The following CTDSPL variants were observed in gnomAD, a reference collection of about 807,000 sequenced individuals.
The protein encoded by CTDSPL is CTD small phosphatase-like protein.
A neutral mutation model predicts 30.5 loss-of-function variants in CTDSPL; 8 were observed. The observed-to-expected ratio is 0.26, with a 90% CI of 0.15 to 0.47. The LOEUF (loss-of-function observed/expected upper bound fraction) is 0.47. Ranked by LOEUF, CTDSPL falls within the 20% of genes least tolerant of loss-of-function variation. CTDSPL has a pLI of 0.99. For missense variants in CTDSPL, 248 were observed against 366.1 expected (o/e 0.68, Z 2.63); for synonymous variants, 110 against 137.9 (o/e 0.80, Z 1.42).
intron 1 of CTDSPL, among the ~76,000 whole-genome samples, chr3:37,891,488 T>G (rs1698324994): frequency 6.6e-6 from 1 of 152,262 alleles, no homozygotes; most frequent in African/African-American, 2.4e-5. Context: ...TTGTGGAGAC[T>G]GTGTGCATTA....
intron 6 of CTDSPL, 71 bp downstream of exon 6, chr3:37,971,570 G>A: frequency 7.2e-7 from 1 of 1,389,510 alleles, no homozygotes; most frequent in South Asian, 1.2e-5. Flanking sequence ...CCCCCAATCT[G>A]TCAAGCAGCC....
chr3:37,955,810 A>G (rs927786325), intron 2 of CTDSPL, among the ~76,000 whole-genome samples: 21 of 151,556 alleles, frequency 1.4e-4, no homozygotes, highest in African/African-American at 5.1e-4. Flanking sequence ...TACCTATATA[A>G]CAAACCTGCA....
chr3:37,934,172 A>G (rs1278743921), intron 1 of CTDSPL, among the ~76,000 whole-genome samples: 1 of 152,098 alleles, frequency 6.6e-6, no homozygotes, highest in Non-Finnish European at 1.5e-5. Flanking sequence ...AAAAAAATTC[A>G]AAATATTAGC....
chr3:37,884,011 C>A (rs577867992), intron 1 of CTDSPL, among the ~76,000 whole-genome samples: 160 of 152,204 alleles, frequency 1.1e-3, no homozygotes, highest in African/African-American at 3.5e-3. Context: ...GGGAAATGGT[C>A]ACTATTGATA....
At chr3:37,931,413 C>T (rs1019020332) in intron 1 of CTDSPL, among the ~76,000 whole-genome samples, 2 of 152,108 alleles carry the variant, frequency 1.3e-5, no homozygotes, top group Non-Finnish European at 2.9e-5. Flanking sequence ...CCTCAGCCTC[C>T]CAAAGCACTG....
chr3:37,877,927 A>G (rs1302158390), intron 1 of CTDSPL, among the ~76,000 whole-genome samples: 3 of 151,688 alleles, frequency 2.0e-5, no homozygotes, highest in African/African-American at 7.3e-5. Flanking sequence ...CCATGACCCA[A>G]ACAGCTCCCA....
intron 1 of CTDSPL, among the ~76,000 whole-genome samples, chr3:37,903,663 C>T (rs2012641): frequency 0.23 from 35,260 of 152,112 alleles, 5,384 homozygotes; most frequent in African/African-American, 0.43. Flanking sequence ...AAGGATGTAC[C>T]GCACCTGCCA....
chr3:37,925,651 A>T (rs1266214588), intron 1 of CTDSPL, among the ~76,000 whole-genome samples: 2 of 152,184 alleles, frequency 1.3e-5, no homozygotes, highest in African/African-American at 4.8e-5. Context: ...CTGCATTTTG[A>T]ACAAAGGGGC....
Position 37,975,399 on chromosome 3 carries a change from G to A in CTDSPL, c.520-310G>A, listed in dbSNP as rs938821098. On this transcript the variant is annotated intron_variant, in intron 6 of 7. Transcript: ENST00000273179. The surrounding 1 kb of genome is among the most constrained non-coding windows in gnomAD (Gnocchi z 4.9). Reference sequence around the variant, plus strand: ...CCCGTGGGAAAGACAGGTTTTTCACGAGGCTCACACAGCCATCCCAGGCCA... The same window carrying A: ...CCCGTGGGAAAGACAGGTTTTTCACAAGGCTCACACAGCCATCCCAGGCCA... Among the ~76,000 whole-genome samples, 3 of 152,172 alleles carry A rather than the reference G, an allele frequency of 2.0e-5. No individual in the cohort carries two copies. Among genetic ancestry groups the A allele is most frequent in the Non-Finnish European group, 2.9e-5 (2 of 68,032 alleles).
Position 37,975,982 on chromosome 3 carries a change from GA to G in CTDSPL, c.705+90del. On this transcript the variant is annotated intron_variant, in intron 7 of 7. Transcript: ENST00000273179. This position sits in a 1 kb window ranked among gnomAD's most constrained non-coding sequence, Gnocchi z 4.9. ...GTACCACTTTTGAGCACCTACACAA[GA>G]AGGTCTCTGGGCCTTTTCCTAATGA... 7.3e-7 allele frequency: 1 copy of G among 1,374,588 alleles called. No individual in the cohort carries two copies. Among genetic ancestry groups the G allele is most frequent in the Admixed American group, 2.0e-5 (1 of 49,794 alleles). 85.1% of individuals were successfully genotyped at this position (1,374,588 alleles called of 1,614,324 possible).
chr3:37,872,857 G>C (rs1477112861), intron 1 of CTDSPL, among the ~76,000 whole-genome samples: 1 of 152,182 alleles, frequency 6.6e-6, no homozygotes, highest in Non-Finnish European at 1.5e-5. Context: ...ATAGGCATGA[G>C]CCACCGTGCC....
chr3:37,878,817 A>G (rs1431070750), intron 1 of CTDSPL, among the ~76,000 whole-genome samples: 1 of 152,240 alleles, frequency 6.6e-6, no homozygotes, highest in Admixed American at 6.5e-5. Context: ...AATACTGAGT[A>G]TACTTATACA....
intron 1 of CTDSPL, among the ~76,000 whole-genome samples, chr3:37,906,390 A>G (rs1395536016): frequency 6.6e-6 from 1 of 152,110 alleles, no homozygotes; most frequent in Non-Finnish European, 1.5e-5. Context: ...AGACCACTGC[A>G]CTTCGGTCCG....
chr3:37,885,890 A>G (rs1369383724), intron 1 of CTDSPL, among the ~76,000 whole-genome samples: 2 of 152,212 alleles, frequency 1.3e-5, no homozygotes, highest in African/African-American at 2.4e-5. Context: ...TCTGCTTACT[A>G]CAGAGAGAAC....
chr3:37,916,455 T>C (rs1698648131), intron 1 of CTDSPL, among the ~76,000 whole-genome samples: 1 of 152,172 alleles, frequency 6.6e-6, no homozygotes, highest in African/African-American at 2.4e-5. Flanking sequence ...ATGTAAGTAG[T>C]TAAGGTAAGG....
intron 2 of CTDSPL, among the ~76,000 whole-genome samples, chr3:37,947,447 C>A (rs1280049568): frequency 6.6e-6 from 1 of 152,162 alleles, no homozygotes; most frequent in Non-Finnish European, 1.5e-5. Context: ...GTAATCCCAG[C>A]TACTAGGGAG....
chr3:37,912,288 T>C (rs1698592709), intron 1 of CTDSPL, among the ~76,000 whole-genome samples: 1 of 152,180 alleles, frequency 6.6e-6, no homozygotes, highest in Admixed American at 6.5e-5. Flanking sequence ...ACTCCTACCT[T>C]CCAGGCATGT....
At chr3:37,864,498 G>A (rs1355214315) in intron 1 of CTDSPL, among the ~76,000 whole-genome samples, 1 of 152,134 alleles carries the variant, frequency 6.6e-6, no homozygotes, top group Non-Finnish European at 1.5e-5. Context: ...CAGCCCTGGG[G>A]TGGGGTGGTT....
At position 37,880,727 on chromosome 3, in the gene CTDSPL, A is replaced by G. The variant is rs150232954; in HGVS notation, c.79+18449A>G. Among the ~76,000 whole-genome samples, 4 of 152,364 alleles carry G rather than the reference A, an allele frequency of 2.6e-5. No homozygotes were observed. The East Asian group carries it at 5.8e-4, about 22-fold the overall frequency. ...CCACTTACACACTATATCTAGGTGT[A>G]TAACTAAATACAAATGGAGTTTTGA... is the stretch of plus-strand genomic sequence containing the variant. On this transcript the variant is annotated intron_variant, in intron 1 of 7. Coordinates refer to ENST00000273179, the MANE Select transcript of CTDSPL (RefSeq NM_001008392.2).
Sources: allele counts gnomAD v4.1 joint callset (sites outside exome capture counted in the v4.1 genomes callset), GRCh38; gene constraint gnomAD v4.1.1; non-coding constraint Gnocchi (gnomAD v3.1); transcripts MANE v1.5; gene names NCBI Gene and HGNC (gene_info 2026-07-23, HGNC 2026-07-21).